The following CAGE1 variants were observed in gnomAD, a reference collection of about 807,000 sequenced individuals.
The protein encoded by CAGE1 is cancer-associated gene 1 protein.
Under a neutral mutation model 94.9 loss-of-function variants are expected in CAGE1, and 66 were observed. The observed-to-expected ratio is 0.70, with a 90% confidence interval of 0.57 to 0.85. The LOEUF is 0.85. CAGE1 is among the 40% of genes least tolerant of loss of function. The pLI is 0.00. For synonymous variants in CAGE1, 319 were observed against 321.0 expected, an observed-to-expected ratio of 0.99 and a Z score of 0.07; for missense variants, 865 against 950.4, an observed-to-expected ratio of 0.91 and a Z score of 1.18.
At chr6:7,378,413 T>C (rs1343571948) in intron 4 of CAGE1, among the ~76,000 whole-genome samples, 1 of 152,160 alleles carries the variant, frequency 6.6e-6, no homozygotes, top group Non-Finnish European at 1.5e-5. Context: ...TCCCTCATGC[T>C]AACTAGGTGA....
In CAGE1 at chr6:7,354,846, T is replaced by A. The variant is rs557704580; in HGVS notation, c.2369+195A>T. Among the ~76,000 whole-genome samples the A allele has an allele frequency of 2.6e-5, 4 of 152,308 alleles. No homozygotes were observed. In the South Asian group the frequency reaches 8.3e-4, roughly 32 times the overall value. ...CAAAGGGAGCTCTGAGAAAGGAAGATGAAAATCTGGTTGCTTAACTGTTGA... is the reference window on the plus strand; with the variant it reads ...CAAAGGGAGCTCTGAGAAAGGAAGAAGAAAATCTGGTTGCTTAACTGTTGA... On this transcript the variant is annotated intron_variant, in intron 11 of 13. Coordinates refer to ENST00000502583, the MANE Select transcript of CAGE1 (RefSeq NM_001170692.2).
chr6:7,341,159 G>T, intron 11 of CAGE1: 1 of 576,344 alleles, frequency 1.7e-6, no homozygotes, highest in Admixed American at 2.0e-5. Flanking sequence ...TTGGTGGGCA[G>T]GTACACTTTG....
At chr6:7,342,091 A>G (rs1759199943) in intron 11 of CAGE1, 4 of 934,830 alleles carry the variant, frequency 4.3e-6, no homozygotes, top group Non-Finnish European at 7.1e-6. Flanking sequence ...AGAGATGTCA[A>G]TCCCACAGTT....
In CAGE1 at chr6:7,344,411, G is replaced by A. The variant is rs531956819; in HGVS notation, c.2370-10321C>T. 3.8e-3 allele frequency among the ~76,000 whole-genome samples: 578 copies of A among 152,332 alleles called. 9 individuals are homozygous for A. Among genetic ancestry groups the A allele is most frequent in the South Asian group, 0.019 (90 of 4,834 alleles). Reference sequence around the variant, plus strand: ...GGTCCCCCAGCAGTGCCAGCCCACCGGCGCTGTGCTCGATTTCTCACCGTG... The same window carrying A: ...GGTCCCCCAGCAGTGCCAGCCCACCAGCGCTGTGCTCGATTTCTCACCGTG... On this transcript the variant is annotated intron_variant, in intron 11 of 13. Coordinates refer to ENST00000502583, the MANE Select transcript of CAGE1 (RefSeq NM_001170692.2).
intron 7 of CAGE1, among the ~76,000 whole-genome samples, chr6:7,366,712 A>C (rs1278478652): frequency 6.6e-6 from 1 of 152,016 alleles, no homozygotes; most frequent in Non-Finnish European, 1.5e-5. Context: ...TGCTTTCTCT[A>C]GACGATGCCC....
At chr6:7,369,859 T>C in intron 6 of CAGE1, 60 bp downstream of exon 6, 1 of 1,464,258 alleles carries the variant, frequency 6.8e-7, no homozygotes, top group Non-Finnish European at 9.2e-7. Context: ...CCTCTCTTTT[T>C]GTCCAACCCC....
chr6:7,378,851 T>C lies in CAGE1; in HGVS notation c.453A>G (p.Ala151=). 6.2e-7 allele frequency: 1 copy of C among 1,612,748 alleles called. No individual in the cohort carries two copies. Among genetic ancestry groups the C allele is most frequent in the Non-Finnish European group, 8.5e-7 (1 of 1,179,112 alleles). The change falls in exon 4 of 14, where the codon GCA becomes GCG. Residue 151 remains alanine (A), a synonymous_variant. Coordinates refer to ENST00000502583, the MANE Select transcript of CAGE1 (RefSeq NM_001170692.2). ...AGTCTTGCTTTATATTGTTGTCTTT[T>C]GCATAATTATACACTTGACTTTGAA... ...PEFQSQVYNY[A]KDNNIKQDSF... is the part of the protein sequence containing the mutation.
chr6:7,328,900 GTGTGTGTGTGTGTGTGTGTATATA>G (rs1561843793), intron 13 of CAGE1, among the ~76,000 whole-genome samples: 4 of 93,342 alleles, frequency 4.3e-5, no homozygotes, highest in Admixed American at 1.0e-4. Context: ...GTGTGTGTGT[GTGTGTGTGTGTGTGTGTGTATATA>G]TATATATATA....
chr6:7,334,054 A>G lies in CAGE1; in HGVS notation c.2406T>C (p.Ile802=). 1 of 1,537,772 alleles carries G rather than the reference A, an allele frequency of 6.5e-7. No individual in the cohort carries two copies. The highest frequency in any genetic ancestry group is 1.2e-5 in the South Asian group (1 of 82,482). The change falls in exon 12 of 14, where the codon ATT becomes ATC. Residue 802 remains isoleucine, a synonymous_variant. Coordinates refer to ENST00000502583, the MANE Select transcript of CAGE1 (RefSeq NM_001170692.2). ...TTCTGGCTTTTTCTCTGGGCTTTCT[A>G]ATTAAATCCTCTAAATGTTTATTTC... ...EERNKHLEDL[I]RKPREKARKP...
chr6:7,344,568 G>A (rs559590808), intron 11 of CAGE1, among the ~76,000 whole-genome samples: 4 of 152,332 alleles, frequency 2.6e-5, no homozygotes, highest in African/African-American at 7.2e-5. Context: ...ACAGCGCCCA[G>A]TCCCATCCAC....
At chr6:7,352,321 A>ACAAAAAC (rs1189334172) in intron 11 of CAGE1, among the ~76,000 whole-genome samples, 1 of 134,236 alleles carries the variant, frequency 7.4e-6, no homozygotes, top group African/African-American at 3.2e-5. Context: ...AAAAACAAAA[A>ACAAAAAC]AAAAAAACCT....
In CAGE1 at chr6:7,365,500, A is replaced by G. The variant is rs145708845; in HGVS notation, c.2161T>C (p.Tyr721His). The G allele has an allele frequency of 1.3e-4, 206 of 1,613,548 alleles. No individual in the cohort carries two copies. The African/African-American group carries it at 2.4e-3, about 18-fold the overall frequency. ...PTLLGAKLDK[Y>H]HSLNEELDFL... ...TCAAGCTCCTCATTTAGACTGTGGT[A>G]CTTATCCAGTTTGGCTCCCAGAAGG... Residue 721 changes from tyrosine (Y) to histidine (H), a missense_variant, in exon 9 of 14, where the codon TAC becomes CAC. Tyr to His is a moderately conservative substitution (Grantham distance 83). Coordinates refer to ENST00000502583, the MANE Select transcript of CAGE1 (RefSeq NM_001170692.2).
intron 4 of CAGE1, among the ~76,000 whole-genome samples, chr6:7,377,132 T>C (rs1414504917): frequency 6.6e-6 from 1 of 152,212 alleles, no homozygotes; most frequent in Non-Finnish European, 1.5e-5. Flanking sequence ...AGTAGGATGC[T>C]GTCTTCATGA....
intron 7 of CAGE1, among the ~76,000 whole-genome samples, chr6:7,368,185 G>A (rs1015815857): frequency 4.0e-5 from 6 of 149,818 alleles, no homozygotes; most frequent in African/African-American, 1.5e-4. Flanking sequence ...CCTGGGAGGC[G>A]GAGGCTGCAG....
chr6:7,335,225 C>A (rs988580505), intron 11 of CAGE1, among the ~76,000 whole-genome samples: 5 of 152,226 alleles, frequency 3.3e-5, no homozygotes, highest in Admixed American at 2.6e-4. Flanking sequence ...CCAAAATAAT[C>A]TCCGCAACTC....
At position 7,345,074 on chromosome 6, in the gene CAGE1, G is replaced by A. The variant is rs565343476; in HGVS notation, c.2369+9967C>T. Among the ~76,000 whole-genome samples, 4 of 151,984 alleles carry A rather than the reference G, an allele frequency of 2.6e-5. No individual in the cohort carries two copies. The East Asian group carries it at 5.8e-4, about 22-fold the overall frequency. Reference sequence around the variant, plus strand: ...GCAGATGGCTGGTGTTGAAAGCTTTGTTCTTTCACCCTGCAGTAAATCTTA... The same window carrying A: ...GCAGATGGCTGGTGTTGAAAGCTTTATTCTTTCACCCTGCAGTAAATCTTA... On this transcript the variant is annotated intron_variant, in intron 11 of 13. Coordinates refer to ENST00000502583, the MANE Select transcript of CAGE1 (RefSeq NM_001170692.2).
chr6:7,364,530 G>A (rs1366796097), intron 9 of CAGE1, among the ~76,000 whole-genome samples: 10 of 152,098 alleles, frequency 6.6e-5, no homozygotes, highest in African/African-American at 1.4e-4. Flanking sequence ...GTGTAGTAGC[G>A]TGATCTCAGC....
chr6:7,345,911 C>T (rs1451859940), intron 11 of CAGE1, among the ~76,000 whole-genome samples: 6 of 151,930 alleles, frequency 3.9e-5, no homozygotes, highest in Admixed American at 6.6e-5. Flanking sequence ...GGTGACAGAA[C>T]GAGAGTCCAT....
intron 11 of CAGE1, chr6:7,341,993 G>A: frequency 1.3e-6 from 1 of 769,322 alleles, no homozygotes; most frequent in Middle Eastern, 2.3e-4. Flanking sequence ...CTGGTGCCAA[G>A]GTTAACGAAG....
Sources: allele counts gnomAD v4.1 joint callset (sites outside exome capture counted in the v4.1 genomes callset), GRCh38; gene constraint gnomAD v4.1.1; transcripts MANE v1.5; gene names NCBI Gene and HGNC (gene_info 2026-07-23, HGNC 2026-07-21).